Variants in HTT observed in about 807,000 individuals in gnomAD.
HTT encodes huntington disease protein.
In HTT, 104 loss-of-function variants were observed where a neutral mutation model predicts 362.3. That is an observed-to-expected ratio of 0.29 (90% confidence interval 0.24 to 0.34). The LOEUF is 0.34. HTT is among the 10% of genes least tolerant of loss of function. HTT has a pLI of 1.00. For missense variants in HTT, 3,301 were observed against 3,928.6 expected (o/e 0.84, Z 4.27); for synonymous variants, 1,577 against 1,548.7 (o/e 1.02, Z -0.43).
rs1393412132 is a variant in HTT at position 3,173,138 on chromosome 4, G to C, written c.4166+7G>C. On this transcript the variant is annotated splice_region_variant and intron_variant, in intron 31 of 66. Transcript: ENST00000355072. ...AGGAGAACGACACCTCGGGGTAACA[G>C]TTGTGGCAAGAATGCTGTCGTTGGT... The C allele has an allele frequency of 1.2e-6, 2 of 1,610,324 alleles. No homozygotes were observed. The highest frequency in any genetic ancestry group is 1.7e-6 in the Non-Finnish European group (2 of 1,177,082).
At chr4:3,099,075 G>A (rs1403547834) in intron 2 of HTT, among the ~76,000 whole-genome samples, 199 bp from the exon 3 acceptor site, 1 of 152,150 alleles carries the variant, frequency 6.6e-6, no homozygotes, top group Non-Finnish European at 1.5e-5. Flanking sequence ...CTAATTTAGT[G>A]TGAGACATTT....
intron 21 of HTT, 121 bp from the exon 22 acceptor site, chr4:3,140,389 G>T (rs1419581305): frequency 1.3e-6 from 1 of 753,828 alleles, no homozygotes; most frequent in Admixed American, 2.6e-5. Context: ...GAAAGGGGGC[G>T]AGAAGTGGTG....
intron 29 of HTT, among the ~76,000 whole-genome samples, chr4:3,169,001 C>CCTTTCTTTCTTTCTTTCTTTCTTT (rs1290014049): frequency 6.5e-5 from 9 of 138,420 alleles, no homozygotes; most frequent in African/African-American, 1.9e-4. Context: ...AAATTTTAGG[C>CCTTTCTTTCTTTCTTTCTTTCTTT]CATTCTTTCT....
Position 3,206,797 on chromosome 4 carries a change from T to C in HTT, c.5899-10T>C, listed in dbSNP as rs1164386480. 6.3e-7 allele frequency: 1 copy of C among 1,593,340 alleles called. No homozygotes were observed. The highest frequency in any genetic ancestry group is 2.2e-5 in the East Asian group (1 of 44,500). Reference sequence around the variant, plus strand: ...TAGTCATCTTTTGTTCTTTTCCTTCTTGCTGTTAGCCAACCATGCTGAAGA... The same window carrying C: ...TAGTCATCTTTTGTTCTTTTCCTTCCTGCTGTTAGCCAACCATGCTGAAGA... On this transcript the variant is annotated splice_polypyrimidine_tract_variant and intron_variant, in intron 43 of 66. Coordinates refer to ENST00000355072, the MANE Select transcript of HTT (RefSeq NM_001388492.1). This position sits in a 1 kb window ranked among gnomAD's most constrained non-coding sequence, Gnocchi z 4.6.
At chr4:3,212,745 G>A (rs1407049128) in intron 49 of HTT, 36 bp downstream of exon 49, 8 of 1,612,496 alleles carry the variant, frequency 5.0e-6, no homozygotes, top group Non-Finnish European at 5.9e-6. Flanking sequence ...GTTGCTGTGG[G>A]GAGGGGGCAT....
intron 37 of HTT, among the ~76,000 whole-genome samples, chr4:3,184,283 G>C (rs944754272): frequency 6.1e-4 from 93 of 152,056 alleles, no homozygotes; most frequent in African/African-American, 2.1e-3. Flanking sequence ...CGGACATGCT[G>C]TTAGGGTACA....
At chr4:3,100,852 T>G (rs1276660240) in intron 3 of HTT, among the ~76,000 whole-genome samples, 2 of 152,172 alleles carry the variant, frequency 1.3e-5, no homozygotes, top group East Asian at 3.9e-4. Context: ...CTTGGCCCCT[T>G]GAGTAGCTGG....
intron 21 of HTT, among the ~76,000 whole-genome samples, chr4:3,138,325 T>G (rs1164534634): frequency 6.6e-6 from 1 of 152,164 alleles, no homozygotes; most frequent in Non-Finnish European, 1.5e-5. Flanking sequence ...GTCTGAGATT[T>G]TAGTACACCT....
chr4:3,121,176 A>G (rs575799125), intron 8 of HTT, 52 bp from the exon 9 acceptor site: 8 of 1,356,752 alleles, frequency 5.9e-6, no homozygotes, highest in East Asian at 2.3e-5. Context: ...AGTGAAGCTT[A>G]GGATGCATTT....
rs370054290 is a variant in HTT, at chr4:3,228,780, T to G, written c.7979+35T>G. 3.8e-6 allele frequency: 6 copies of G among 1,564,840 alleles called. No homozygotes were observed. The African/African-American group carries it at 8.2e-5, about 21-fold the overall frequency. ...TGGCCTTTTTCTTTTTAACAGAAAT[T>G]TGAAATTTCTTATCAGTCATTTGAT... is the stretch of plus-strand genomic sequence containing the variant. On this transcript the variant is annotated intron_variant, in intron 58 of 66. Coordinates refer to ENST00000355072, the MANE Select transcript of HTT (RefSeq NM_001388492.1). This position sits in a 1 kb window ranked among gnomAD's most constrained non-coding sequence, Gnocchi z 4.3.
intron 1 of HTT, among the ~76,000 whole-genome samples, chr4:3,084,071 T>C (rs1161312653): frequency 1.3e-5 from 2 of 152,026 alleles, no homozygotes; most frequent in Admixed American, 1.3e-4. Flanking sequence ...AATAGATTAG[T>C]GGTTGCCTGG....
In HTT at chr4:3,121,317, G is replaced by A. The variant is rs756715371; in HGVS notation, c.1158G>A (p.Thr386=). 26 of 1,613,936 alleles carry A rather than the reference G, an allele frequency of 1.6e-5. No homozygotes were observed. Among genetic ancestry groups the A allele is most frequent in the African/African-American group, 4.0e-5 (3 of 74,924 alleles). ...ALELLQQLFR[T]PPPELLQTLT... ...AGCTGTTGCAGCAGCTCTTCAGAAC[G>A]CCTCCACCCGAGCTTCTGCAAACCC... Residue 386 remains threonine (T), a synonymous_variant, in exon 9 of 67, where the codon ACG becomes ACA. Coordinates refer to ENST00000355072, the MANE Select transcript of HTT (RefSeq NM_001388492.1).
intron 11 of HTT, among the ~76,000 whole-genome samples, chr4:3,125,958 A>G (rs1715502082): frequency 6.6e-6 from 1 of 152,180 alleles, no homozygotes; most frequent in Non-Finnish European, 1.5e-5. Flanking sequence ...GGGTTGGGAA[A>G]TGGGATGAAA....
intron 7 of HTT, 61 bp from the exon 8 acceptor site, chr4:3,116,024 T>A: frequency 6.9e-7 from 1 of 1,457,910 alleles, no homozygotes; most frequent in South Asian, 1.2e-5. Flanking sequence ...TTTAACAGAT[T>A]AAGCCGGGAA....
Position 3,199,741 on chromosome 4 carries a change from G to A in HTT, c.5378G>A (p.Arg1793Gln), listed in dbSNP as rs1425437669. The A allele has an allele frequency of 7.4e-6, 12 of 1,613,662 alleles. No individual in the cohort carries two copies. Among genetic ancestry groups the A allele is most frequent in the African/African-American group, 2.7e-5 (2 of 74,914 alleles). Reference protein sequence around the residue: ...LIHIFKSGMFRRITAAATRLF... With the variant: ...LIHIFKSGMFQRITAAATRLF... ...TTAACTTTGTTTCTAGGAATGTTCC[G>A]GAGAATCACAGCAGCTGCCACTAGG... Residue 1793 changes from arginine to glutamine, a missense_variant, in exon 41 of 67, where the codon CGG becomes CAG. Coordinates refer to ENST00000355072, the MANE Select transcript of HTT (RefSeq NM_001388492.1).
In HTT at chr4:3,175,039, C is replaced by G. The variant is rs1718174664; in HGVS notation, c.4339C>G (p.Gln1447Glu). 1.2e-6 allele frequency: 2 copies of G among 1,613,976 alleles called. No homozygotes were observed. Among genetic ancestry groups the G allele is most frequent in the African/African-American group, 1.3e-5 (1 of 75,028 alleles). ...TACAACATGTGTGCAGTTACAGAAG[C>G]AGGTTTTAGATTTGCTGGCGCAGCT... ...TTTTCVQLQK[Q>E]VLDLLAQLVQ... Residue 1447 changes from glutamine (Q) to glutamate (E), a missense_variant, in exon 33 of 67, where the codon CAG becomes GAG. Around this residue, in one of 4 missense-constraint regions of HTT, gnomAD observed 2,316 missense variants for 2,658.5 expected, o/e 0.87. Transcript: ENST00000355072.
chr4:3,095,220 A>G (rs556024692), intron 2 of HTT, among the ~76,000 whole-genome samples: 3 of 152,190 alleles, frequency 2.0e-5, no homozygotes, highest in Non-Finnish European at 2.9e-5. Flanking sequence ...ACGCCACTGC[A>G]CTCCAGCCTG....
At chr4:3,197,299 G>A (rs1719297710) in intron 40 of HTT, among the ~76,000 whole-genome samples, 1 of 152,080 alleles carries the variant, frequency 6.6e-6, no homozygotes, top group Admixed American at 6.5e-5. Flanking sequence ...CTGGCATCCA[G>A]CTTCTCGACA....
chr4:3,208,952 G>A, intron 46 of HTT, 41 bp downstream of exon 46: 1 of 1,574,788 alleles, frequency 6.4e-7, no homozygotes, highest in East Asian at 2.3e-5. Flanking sequence ...ACAGGGCGCT[G>A]AGTGCCTCTG....
Sources: gnomAD v4.1 joint callset for allele counts (sites outside exome capture counted in the v4.1 genomes callset) on GRCh38, gnomAD v4.1.1 for gene constraint, gnomAD v4.1.1 regional missense constraint, Gnocchi (gnomAD v3.1) non-coding constraint, MANE v1.5 for transcripts, NCBI Gene and HGNC (gene_info 2026-07-23, HGNC 2026-07-21) for gene names.